MCU: variants seen among roughly 807,000 people sequenced by gnomAD.
MCU encodes mitochondrial calcium uniporter, also known as calcium uniporter protein, mitochondrial.
A neutral mutation model predicts 45.2 loss-of-function variants in MCU; 12 were observed. The observed-to-expected ratio is 0.27, with a 90% CI of 0.17 to 0.43. The LOEUF is 0.43. Among genes scored for constraint, MCU ranks in the 20% least tolerant of loss-of-function variants. The pLI is 1.00. For missense variants in MCU, 324 were observed against 436.7 expected, an observed-to-expected ratio of 0.74 and a Z score of 2.30; for synonymous variants, 160 against 165.1, an observed-to-expected ratio of 0.97 and a Z score of 0.24.
At chr10:72,835,118 T>A (rs1272018893) in intron 2 of MCU, among the ~76,000 whole-genome samples, 4 of 152,202 alleles carry the variant, frequency 2.6e-5, no homozygotes, top group Non-Finnish European at 5.9e-5. Context: ...TGAGACCTCC[T>A]GCTCTTGCTT....
chr10:72,812,734 A>G (rs1027905624), intron 1 of MCU, among the ~76,000 whole-genome samples: 4 of 149,174 alleles, frequency 2.7e-5, no homozygotes, highest in Admixed American at 1.4e-4. Context: ...AATTGTTGCA[A>G]AGCAATGTAA....
intron 1 of MCU, among the ~76,000 whole-genome samples, chr10:72,709,749 G>A (rs1450624378): frequency 1.3e-5 from 2 of 152,110 alleles, no homozygotes; most frequent in Non-Finnish European, 2.9e-5. Context: ...TGACTTAAAC[G>A]TTAAAATGCT....
chr10:72,777,535 C>T (rs907199386), intron 1 of MCU, among the ~76,000 whole-genome samples: 2 of 152,224 alleles, frequency 1.3e-5, no homozygotes, highest in African/African-American at 4.8e-5. Flanking sequence ...TCTCCATTCA[C>T]AAAATTCACA....
Position 72,821,708 on chromosome 10 carries a change from G to A in MCU, c.151-12651G>A, listed in dbSNP as rs548258610. The stretch of plus-strand genomic sequence containing the variant: ...CTAGGCTGTGAGGAAACAAAGTTAA[G>A]CCCTTTGTCATACACACAAAAATGT... On this transcript the variant is annotated intron_variant, in intron 1 of 7. Coordinates refer to ENST00000373053, the MANE Select transcript of MCU (RefSeq NM_138357.3). Among the ~76,000 whole-genome samples, 4 of 152,222 alleles carry A rather than the reference G, an allele frequency of 2.6e-5. No homozygotes were observed. The East Asian group carries it at 7.7e-4, about 29-fold the overall frequency.
At chr10:72,754,903 A>G (rs1002860423) in intron 1 of MCU, among the ~76,000 whole-genome samples, 7 of 152,218 alleles carry the variant, frequency 4.6e-5, no homozygotes, top group African/African-American at 9.6e-5. Context: ...TTTTTTGCAG[A>G]TGATGTTAAA....
At chr10:72,765,402 T>C (rs773569479) in intron 1 of MCU, among the ~76,000 whole-genome samples, 3 of 152,140 alleles carry the variant, frequency 2.0e-5, no homozygotes, top group Non-Finnish European at 4.4e-5. Context: ...ATAAAGTTGT[T>C]ATTTCCTAGG....
At chr10:72,727,247 T>C in intron 1 of MCU, among the ~76,000 whole-genome samples, 1 of 152,150 alleles carries the variant, frequency 6.6e-6, no homozygotes, top group East Asian at 1.9e-4. Flanking sequence ...GCAGATAACA[T>C]CTAGAATAAA....
chr10:72,880,412 A>G (rs1282480727), intron 6 of MCU, among the ~76,000 whole-genome samples: 1 of 152,208 alleles, frequency 6.6e-6, no homozygotes, highest in Non-Finnish European at 1.5e-5. Flanking sequence ...TTAGAAAATG[A>G]AAATATTTAA....
intron 1 of MCU, among the ~76,000 whole-genome samples, chr10:72,828,096 A>T (rs1844824693): frequency 6.6e-6 from 1 of 152,200 alleles, no homozygotes; most frequent in African/African-American, 2.4e-5. Flanking sequence ...CCGTATAAGC[A>T]CTGAATTTTG....
At chr10:72,692,756 G>T in intron 1 of MCU, 1 of 1,349,160 alleles carries the variant, frequency 7.4e-7, no homozygotes, top group Admixed American at 3.2e-5. Context: ...GAGTGGCAGT[G>T]CCATGCTGCT....
At chr10:72,741,840 A>C (rs528241854) in intron 1 of MCU, among the ~76,000 whole-genome samples, 3 of 152,054 alleles carry the variant, frequency 2.0e-5, no homozygotes, top group African/African-American at 7.2e-5. Context: ...CATCCTGGCT[A>C]AGACGGTGAA....
chr10:72,707,647 G>GTGTGTGTGTGTGTGTA lies in MCU; in HGVS notation c.150+15347_150+15348insGTGTGTGTGTGTGTAT, dbSNP rs71021526. Among the ~76,000 whole-genome samples, 1,317 of 146,996 alleles carry GTGTGTGTGTGTGTGTA rather than the reference G, an allele frequency of 9.0e-3. 67 individuals are homozygous for GTGTGTGTGTGTGTGTA. Among genetic ancestry groups the GTGTGTGTGTGTGTGTA allele is most frequent in the African/African-American group, 0.032 (1,229 of 38,296 alleles). ...TGTGTGTGTGTGTGTGTGTGTGTGTGTTTCCCACCAAAACAAAAGTAATTG... is the reference window on the plus strand; with the variant it reads ...TGTGTGTGTGTGTGTGTGTGTGTGTGTGTGTGTGTGTGTGTATTTCCCACCAAAACAAAAGTAATTG... On this transcript the variant is annotated intron_variant, in intron 1 of 7. Coordinates refer to ENST00000373053, the MANE Select transcript of MCU (RefSeq NM_138357.3).
At chr10:72,793,927 G>A (rs1318826632) in intron 1 of MCU, among the ~76,000 whole-genome samples, 1 of 152,196 alleles carries the variant, frequency 6.6e-6, no homozygotes, top group Admixed American at 6.5e-5. Context: ...AGCTGAGCAT[G>A]TGAGATGGGA....
At chr10:72,764,824 T>G (rs929418823) in intron 1 of MCU, among the ~76,000 whole-genome samples, 3 of 152,160 alleles carry the variant, frequency 2.0e-5, no homozygotes, top group African/African-American at 7.2e-5. Flanking sequence ...CAGGGAATGG[T>G]CTGAATTTCT....
intron 1 of MCU, among the ~76,000 whole-genome samples, chr10:72,753,043 A>G (rs1843525102): frequency 6.6e-6 from 1 of 152,210 alleles, no homozygotes; most frequent in Admixed American, 6.5e-5. Context: ...TTAAAGCAAG[A>G]AAGTTCAGTG....
chr10:72,743,428 A>AAG (rs1843364347), intron 1 of MCU, among the ~76,000 whole-genome samples: 1 of 151,342 alleles, frequency 6.6e-6, no homozygotes, highest in Non-Finnish European at 1.5e-5. Context: ...AAAAAAAAAA[A>AAG]AAAAGGTTTT....
At chr10:72,750,040 C>A (rs1384275256) in intron 1 of MCU, among the ~76,000 whole-genome samples, 1 of 151,842 alleles carries the variant, frequency 6.6e-6, no homozygotes, top group Non-Finnish European at 1.5e-5. Flanking sequence ...TTGACTTGGC[C>A]TCCCGAAGTG....
rs1196083644 is a variant in MCU at position 72,753,236 on chromosome 10, G to A, written c.150+60935G>A. ...AGCATGATTATCTTCCCTAAAATAA[G>A]TAACACCCAAAATAAGAATATATGA... On this transcript the variant is annotated intron_variant, in intron 1 of 7. Transcript: ENST00000373053. 6.6e-5 allele frequency among the ~76,000 whole-genome samples: 10 copies of A among 152,104 alleles called. No individual in the cohort carries two copies. In the South Asian group the frequency reaches 1.5e-3, roughly 22 times the overall value.
chr10:72,815,750 C>T (rs945923100), intron 1 of MCU, among the ~76,000 whole-genome samples: 6 of 151,910 alleles, frequency 3.9e-5, no homozygotes, highest in Admixed American at 3.3e-4. Flanking sequence ...CCTACCTAAT[C>T]GAAAGATTAA....
Sources: gnomAD v4.1 joint callset for allele counts (sites outside exome capture counted in the v4.1 genomes callset) on GRCh38, gnomAD v4.1.1 for gene constraint, MANE v1.5 for transcripts, NCBI Gene and HGNC (gene_info 2026-07-23, HGNC 2026-07-21) for gene names.